KIAA1549L: variants seen among roughly 807,000 people sequenced by gnomAD.
KIAA1549L encodes the protein UPF0606 protein KIAA1549L.
Under a neutral mutation model 160.7 loss-of-function variants are expected in KIAA1549L, and 88 were observed. The observed-to-expected ratio is 0.55, with a 90% confidence interval of 0.46 to 0.65. The LOEUF is 0.65. Ranked by LOEUF, KIAA1549L falls within the 30% of genes least tolerant of loss-of-function variation. The pLI is 0.00. For missense variants in KIAA1549L, 2,258 were observed against 2,437.5 expected, an observed-to-expected ratio of 0.93 and a Z score of 1.55; for synonymous variants, 950 against 976.7, an observed-to-expected ratio of 0.97 and a Z score of 0.51.
rs561803847 is a variant in KIAA1549L, at chr11:33,562,570, C to T, written c.4078+835C>T. ...GATGGTCATCTTCCCCCTGTGTCTTCACATGCCCTTCCCTCTGGGTCTGTC... is the reference window on the plus strand; with the variant it reads ...GATGGTCATCTTCCCCCTGTGTCTTTACATGCCCTTCCCTCTGGGTCTGTC... On this transcript the variant is annotated intron_variant, in intron 8 of 20. Coordinates refer to ENST00000658780, the MANE Select transcript of KIAA1549L (RefSeq NM_012194.3). Among the ~76,000 whole-genome samples, 19 of 152,274 alleles carry T rather than the reference C, an allele frequency of 1.2e-4. No homozygotes were observed. The South Asian group carries it at 3.5e-3, about 28-fold the overall frequency.
intron 11 of KIAA1549L, among the ~76,000 whole-genome samples, chr11:33,587,241 A>G (rs962991926): frequency 2.6e-5 from 4 of 152,154 alleles, no homozygotes; most frequent in Admixed American, 2.6e-4. Context: ...ACTGGAGATT[A>G]TTTTGATTTG....
chr11:33,406,480 T>G (rs1029756161), intron 1 of KIAA1549L, among the ~76,000 whole-genome samples: 2 of 152,236 alleles, frequency 1.3e-5, no homozygotes, highest in African/African-American at 2.4e-5. Flanking sequence ...TCATCTTTGG[T>G]CCGAATCCTA....
chr11:33,531,794 G>A (rs1020693854), intron 1 of KIAA1549L, among the ~76,000 whole-genome samples: 3 of 152,172 alleles, frequency 2.0e-5, no homozygotes, highest in African/African-American at 4.8e-5. Context: ...AAGTGGGTTG[G>A]GTGTGGGTGG....
chr11:33,603,417 A>C (rs1850413901), intron 13 of KIAA1549L, among the ~76,000 whole-genome samples: 1 of 152,190 alleles, frequency 6.6e-6, no homozygotes, highest in East Asian at 1.9e-4. Context: ...AGCAAGAGAG[A>C]ACTGGGCATA....
chr11:33,465,344 G>A (rs1339367891), intron 1 of KIAA1549L, among the ~76,000 whole-genome samples: 3 of 152,100 alleles, frequency 2.0e-5, no homozygotes, highest in South Asian at 2.1e-4. Context: ...ATGAGCCACC[G>A]TGCCCGGCCC....
intron 9 of KIAA1549L, among the ~76,000 whole-genome samples, chr11:33,571,948 A>T (rs1023332611): frequency 2.0e-5 from 3 of 152,022 alleles, no homozygotes; most frequent in African/African-American, 7.2e-5. Context: ...CATCTCCTTA[A>T]TTTTCTTCAA....
At chr11:33,465,046 CTT>C (rs1008261470) in intron 1 of KIAA1549L, among the ~76,000 whole-genome samples, 2 of 78,962 alleles carry the variant, frequency 2.5e-5, no homozygotes, top group Non-Finnish European at 5.0e-5. Context: ...GGACCTTCTT[CTT>C]TTTTTTTTTT....
At chr11:33,510,849 C>T (rs1853212641) in intron 1 of KIAA1549L, among the ~76,000 whole-genome samples, 1 of 152,184 alleles carries the variant, frequency 6.6e-6, no homozygotes, top group South Asian at 2.1e-4. Context: ...TGGGTGGTGA[C>T]AGCCAGATGT....
At chr11:33,637,439 C>T (rs1730835058) in intron 16 of KIAA1549L, among the ~76,000 whole-genome samples, 1 of 152,220 alleles carries the variant, frequency 6.6e-6, no homozygotes, top group African/African-American at 2.4e-5. Flanking sequence ...AGCCTTCTTA[C>T]CATGGCCTTT....
chr11:33,537,324 G>T (rs1334579164), intron 1 of KIAA1549L, among the ~76,000 whole-genome samples: 1 of 152,132 alleles, frequency 6.6e-6, no homozygotes, highest in Non-Finnish European at 1.5e-5. Flanking sequence ...AAATGCTGGT[G>T]TCCATATCTC....
At chr11:33,629,509 A>G (rs1469070993) in intron 16 of KIAA1549L, among the ~76,000 whole-genome samples, 1 of 150,728 alleles carries the variant, frequency 6.6e-6, no homozygotes, top group African/African-American at 2.4e-5. Context: ...TTTTCTCTAA[A>G]CTTCCCTTCT....
intron 15 of KIAA1549L, among the ~76,000 whole-genome samples, chr11:33,614,585 T>TATATATA (rs1554922897): frequency 1.6e-3 from 11 of 7,058 alleles, no homozygotes; most frequent in Non-Finnish European, 2.8e-3. Flanking sequence ...TATATATATA[T>TATATATA]TTTTTTTTTT....
Position 33,588,487 on chromosome 11 carries a change from G to A in KIAA1549L, c.4567-2750G>A, listed in dbSNP as rs75754586. Among the ~76,000 whole-genome samples, 27 of 152,194 alleles carry A rather than the reference G, an allele frequency of 1.8e-4. No homozygotes were observed. The East Asian group carries it at 3.5e-3, about 20-fold the overall frequency. Reference sequence around the variant, plus strand: ...AGGGAGATAATTTTGGAAGCTCATCGGGGAGGCCTGGAAAGGAGCTAAATT... The same window carrying A: ...AGGGAGATAATTTTGGAAGCTCATCAGGGAGGCCTGGAAAGGAGCTAAATT... On this transcript the variant is annotated intron_variant, in intron 11 of 20. Coordinates refer to ENST00000658780, the MANE Select transcript of KIAA1549L (RefSeq NM_012194.3).
chr11:33,463,119 A>G (rs1851976940), intron 1 of KIAA1549L, among the ~76,000 whole-genome samples: 1 of 152,166 alleles, frequency 6.6e-6, no homozygotes. Flanking sequence ...ATGAGCCACC[A>G]TGCTCAGCCA....
intron 1 of KIAA1549L, among the ~76,000 whole-genome samples, chr11:33,523,301 A>C (rs1182523512): frequency 6.6e-6 from 1 of 152,218 alleles, no homozygotes; most frequent in Non-Finnish European, 1.5e-5. Flanking sequence ...AAGTTAAATA[A>C]AACTTTCGTT....
intron 1 of KIAA1549L, among the ~76,000 whole-genome samples, chr11:33,517,232 A>T (rs930923130): frequency 1.3e-5 from 2 of 152,094 alleles, no homozygotes; most frequent in Non-Finnish European, 2.9e-5. Context: ...ATGGGTTCAC[A>T]CTTCTAAGGC....
At chr11:33,654,873 T>C (rs1198118167) in intron 17 of KIAA1549L, among the ~76,000 whole-genome samples, 1 of 152,216 alleles carries the variant, frequency 6.6e-6, no homozygotes, top group Admixed American at 6.5e-5. Flanking sequence ...TTGGCCCTTA[T>C]GAAGATGTAG....
At position 33,667,911 on chromosome 11, in the gene KIAA1549L, A is replaced by C. The variant is rs1183968076; in HGVS notation, c.6198A>C (p.Ser2066=). Residue 2066 remains serine (S), a synonymous_variant, in exon 21 of 21, where the codon TCA becomes TCC. Coordinates refer to ENST00000658780, the MANE Select transcript of KIAA1549L (RefSeq NM_012194.3). The part of the protein sequence containing the change: ...LPGYIEAYPR[S]RYPQSSPSRL... ...GGTACATCGAGGCCTACCCCCGATC[A>C]CGGTACCCCCAGAGCTCTCCCTCCA... 2 of 1,613,178 alleles carry C rather than the reference A, an allele frequency of 1.2e-6. No homozygotes were observed. Among genetic ancestry groups the C allele is most frequent in the Non-Finnish European group, 1.7e-6 (2 of 1,179,722 alleles).
chr11:33,410,397 T>C (rs1850763417), intron 1 of KIAA1549L, among the ~76,000 whole-genome samples: 1 of 152,204 alleles, frequency 6.6e-6, no homozygotes, highest in Non-Finnish European at 1.5e-5. Flanking sequence ...GTGTTCCTCT[T>C]GTGTCTAGGC....
Sources: allele counts gnomAD v4.1 joint callset (sites outside exome capture counted in the v4.1 genomes callset), GRCh38; gene constraint gnomAD v4.1.1; transcripts MANE v1.5; gene names NCBI Gene and HGNC (gene_info 2026-07-23, HGNC 2026-07-21).